QTMAN: variants seen among roughly 807,000 people sequenced by gnomAD.
The protein encoded by QTMAN is queuosine-tRNA mannosyltransferase.
chr2:144,246,854 T>G, the QTMAN span, among the ~76,000 whole-genome samples: 1 of 152,192 alleles, frequency 6.6e-6, no homozygotes, highest in Non-Finnish European at 1.5e-5. Flanking sequence ...CTACTCAGTT[T>G]TCTTCTACAG....
chr2:143,988,780 G>A, the QTMAN span, among the ~76,000 whole-genome samples: 1 of 152,192 alleles, frequency 6.6e-6, no homozygotes, highest in African/African-American at 2.4e-5. Context: ...CACTGGGGAG[G>A]CCAACCTCCT....
the QTMAN span, among the ~76,000 whole-genome samples, chr2:144,186,366 T>C: frequency 1.3e-5 from 2 of 152,202 alleles, no homozygotes; most frequent in Non-Finnish European, 2.9e-5. Flanking sequence ...AGAGATTATG[T>C]TGTAGAGGGT....
the QTMAN span, among the ~76,000 whole-genome samples, chr2:144,290,010 CCAAT>C: frequency 1.3e-5 from 2 of 152,214 alleles, no homozygotes; most frequent in Admixed American, 6.5e-5. Context: ...CAAGTTTCAG[CCAAT>C]CAAAGACAGC....
the QTMAN span, among the ~76,000 whole-genome samples, chr2:144,092,276 C>T: frequency 1.2e-4 from 18 of 151,790 alleles, no homozygotes; most frequent in African/African-American, 3.6e-4. Flanking sequence ...CCCAGGTTCA[C>T]GCCATTCTCC....
chr2:144,307,078 T>C, the QTMAN span, among the ~76,000 whole-genome samples: 2 of 145,244 alleles, frequency 1.4e-5, no homozygotes, highest in African/African-American at 5.1e-5. Context: ...GGGGAATCAC[T>C]TGAACCCGGA....
At chr2:143,997,964 C>T in the QTMAN span, among the ~76,000 whole-genome samples, 14 of 151,920 alleles carry the variant, frequency 9.2e-5, no homozygotes, top group Non-Finnish European at 1.9e-4. Context: ...GGGAGTTTGC[C>T]GATCAGCAGG....
the QTMAN span, among the ~76,000 whole-genome samples, chr2:144,106,038 T>A: frequency 1.3e-5 from 2 of 152,136 alleles, no homozygotes; most frequent in Non-Finnish European, 2.9e-5. Flanking sequence ...TAAAATCCTT[T>A]ACAGACAAGC....
the QTMAN span, among the ~76,000 whole-genome samples, chr2:144,051,797 G>A: frequency 6.6e-6 from 1 of 152,148 alleles, no homozygotes; most frequent in Non-Finnish European, 1.5e-5. Context: ...ACAAGAATGG[G>A]CAAGACACTG....
the QTMAN span, among the ~76,000 whole-genome samples, chr2:144,189,418 G>A: frequency 6.6e-6 from 1 of 152,202 alleles, no homozygotes; most frequent in Non-Finnish European, 1.5e-5. Context: ...AGTGCAATCT[G>A]TAAGATGGAA....
At chr2:144,257,041 T>A in the QTMAN span, among the ~76,000 whole-genome samples, 9 of 150,782 alleles carry the variant, frequency 6.0e-5, no homozygotes, top group South Asian at 2.1e-4. Context: ...ACTAAAAAAA[T>A]TTTTTAAAGA....
At chr2:144,141,322 TA>T in the QTMAN span, among the ~76,000 whole-genome samples, 2 of 150,806 alleles carry the variant, frequency 1.3e-5, no homozygotes, top group Non-Finnish European at 3.0e-5. Context: ...GCAAGGGTAA[TA>T]AAAAAAATGT....
At chr2:144,124,273 C>A in the QTMAN span, among the ~76,000 whole-genome samples, 2 of 152,150 alleles carry the variant, frequency 1.3e-5, no homozygotes, top group Non-Finnish European at 2.9e-5. Flanking sequence ...CGCTTTGAAG[C>A]CAGACACATC....
the QTMAN span, among the ~76,000 whole-genome samples, chr2:144,266,721 C>T: frequency 1.3e-5 from 2 of 152,116 alleles, no homozygotes; most frequent in South Asian, 4.2e-4. Flanking sequence ...ATGGCTTTAC[C>T]CTTAACCAGC....
At chr2:144,199,989 A>G in the QTMAN span, among the ~76,000 whole-genome samples, 1 of 152,190 alleles carries the variant, frequency 6.6e-6, no homozygotes, top group Non-Finnish European at 1.5e-5. Flanking sequence ...TTCAAACACA[A>G]GTGATTATTA....
the QTMAN span, among the ~76,000 whole-genome samples, chr2:143,987,072 G>T: frequency 1.3e-5 from 2 of 152,170 alleles, no homozygotes; most frequent in South Asian, 2.1e-4. Flanking sequence ...TTTGCTGAAG[G>T]CTGGTTCTTA....
the QTMAN span, among the ~76,000 whole-genome samples, chr2:144,043,614 T>C: frequency 3.0e-4 from 45 of 147,612 alleles, no homozygotes; most frequent in Non-Finnish European, 3.7e-4. Context: ...GTCTGGGCAA[T>C]AGAATAAGAC....
At chr2:144,156,636 C>G in the QTMAN span, among the ~76,000 whole-genome samples, 3 of 151,814 alleles carry the variant, frequency 2.0e-5, no homozygotes, top group Admixed American at 2.0e-4. Flanking sequence ...TGGAGTAAAA[C>G]AAAAATTAAA....
the QTMAN span, among the ~76,000 whole-genome samples, chr2:143,986,252 C>T: frequency 1.6e-4 from 25 of 152,272 alleles, no homozygotes; most frequent in South Asian, 1.5e-3. Context: ...CAGGACAACA[C>T]AAAAATCTCT....
the QTMAN span, chr2:144,006,319 C>T: frequency 6.6e-5 from 10 of 152,052 alleles, no homozygotes; most frequent in Non-Finnish European, 1.5e-4. Context: ...GGCAAATCCT[C>T]GGCAAAGGCG....
Sources: gnomAD v4.1 joint callset for allele counts (sites outside exome capture counted in the v4.1 genomes callset) on GRCh38, gnomAD v4.1.1 for gene constraint, MANE v1.5 for transcripts, NCBI Gene and HGNC (gene_info 2026-07-23, HGNC 2026-07-21) for gene names.